LRRC37A: variants seen among roughly 807,000 people sequenced by gnomAD.
LRRC37A encodes leucine-rich repeat-containing protein 37A.
LRRC37A carries 3 observed loss-of-function variants against 35.4 expected under a neutral mutation model. That is an observed-to-expected ratio of 0.08 (90% CI 0.04 to 0.22). The LOEUF is 0.22. Ranked by LOEUF, LRRC37A falls within the 10% of genes least tolerant of loss-of-function variation. The probability of loss-of-function intolerance (pLI) is 1.00; values close to 1 mark genes in which losing one functional copy is unlikely to be tolerated. For missense variants in LRRC37A, 67 were observed against 565.3 expected (o/e 0.12, Z 8.94); for synonymous variants, 23 against 215.0 (o/e 0.11, Z 7.81).
chr17:46,268,796 C>T, the LRRC37A span: 11 of 859,544 alleles, frequency 1.3e-5, no homozygotes, highest in Admixed American at 3.4e-5. Context: ...GAGCCCAAAG[C>T]TACTCTATGA....
chr17:46,253,781 G>GGGGAGA, the LRRC37A span, among the ~76,000 whole-genome samples: 58 of 151,276 alleles, frequency 3.8e-4, no homozygotes, highest in Non-Finnish European at 5.9e-4. Context: ...GGGAGGGGAG[G>GGGGAGA]GGGAGAGGGA....
At chr17:46,263,785 T>C in the LRRC37A span, among the ~76,000 whole-genome samples, 1 of 143,332 alleles carries the variant, frequency 7.0e-6, no homozygotes, top group African/African-American at 2.7e-5. Context: ...ACCTGGGAGG[T>C]GGAGGTTGCA....
the LRRC37A span, among the ~76,000 whole-genome samples, chr17:46,266,747 G>A: frequency 6.6e-6 from 1 of 152,096 alleles, no homozygotes; most frequent in South Asian, 2.1e-4. Flanking sequence ...GGGATCTGGG[G>A]AGGGGGCGCC....
the LRRC37A span, among the ~76,000 whole-genome samples, chr17:46,272,677 A>C: frequency 6.6e-6 from 1 of 152,292 alleles, no homozygotes; most frequent in East Asian, 1.9e-4. Context: ...CGGCCTCCCA[A>C]AGTGCTGGGG....
the LRRC37A span, among the ~76,000 whole-genome samples, chr17:46,248,179 G>C: frequency 6.6e-6 from 1 of 151,774 alleles, no homozygotes; most frequent in East Asian, 1.9e-4. Flanking sequence ...TTTTTTCTTA[G>C]ACTTATTTTC....
intron 5 of LRRC37A, among the ~76,000 whole-genome samples, chr17:46,317,127 T>C (rs1362472301): frequency 9.1e-5 from 8 of 88,120 alleles, no homozygotes; most frequent in Non-Finnish European, 2.4e-4. Flanking sequence ...AGCTGTTGGG[T>C]ACACCTCCCA....
chr17:46,302,496 A>G, intron 2 of LRRC37A, 142 bp from the exon 3 acceptor site: 1 of 176,702 alleles, frequency 5.7e-6, no homozygotes, highest in East Asian at 5.1e-5. Context: ...AAATATAAGA[A>G]AAGGTTTGAA....
the LRRC37A span, chr17:46,260,591 C>T: frequency 1.3e-6 from 2 of 1,570,908 alleles, no homozygotes; most frequent in East Asian, 2.2e-5. Context: ...AGCTCACAAT[C>T]CCGCTTGGAC....
the LRRC37A span, among the ~76,000 whole-genome samples, chr17:46,255,686 T>A: frequency 6.6e-6 from 1 of 150,802 alleles, no homozygotes; most frequent in African/African-American, 2.4e-5. Context: ...TTTTTGTTTT[T>A]TTTTTTTGAG....
the LRRC37A span, among the ~76,000 whole-genome samples, chr17:46,271,164 CTT>C: frequency 4.9e-5 from 6 of 121,280 alleles, no homozygotes; most frequent in African/African-American, 9.1e-5. Context: ...GTAATAGTTT[CTT>C]TTTTTTTTTT....
the LRRC37A span, among the ~76,000 whole-genome samples, chr17:46,285,063 C>G: frequency 6.6e-6 from 1 of 152,076 alleles, no homozygotes; most frequent in African/African-American, 2.4e-5. Flanking sequence ...GAGATGGGGT[C>G]TCACTTTGTT....
rs1406143738 is a variant in LRRC37A at position 46,335,623 on chromosome 17, T to C, written c.4859+29T>C. On this transcript the variant is annotated intron_variant, in intron 11 of 13. Transcript: ENST00000320254. Reference sequence around the variant, plus strand: ...AATATTAGTCTGGTGATTTTTTTTTTCTTCTCTTTTGAGATGGAGTTTCCC... The same window carrying C: ...AATATTAGTCTGGTGATTTTTTTTTCCTTCTCTTTTGAGATGGAGTTTCCC... 1.7e-5 allele frequency: 3 copies of C among 181,630 alleles called. 1 individual carries two copies. Among genetic ancestry groups the C allele is most frequent in the East Asian group, 6.3e-5 (2 of 31,846 alleles). The allele number at this position is 181,630 out of a possible 1,614,324, so 11.3% of individuals were successfully genotyped here. A position where few individuals can be genotyped will look rare whatever the true frequency, so the allele number is the denominator to read the frequency against.
the LRRC37A span, among the ~76,000 whole-genome samples, chr17:46,277,722 C>T: frequency 6.6e-6 from 1 of 151,882 alleles, no homozygotes; most frequent in Non-Finnish European, 1.5e-5. Flanking sequence ...TCTCAGCTCA[C>T]TGCAACCTCC....
chr17:46,288,578 G>T (rs1476869663), upstream of LRRC37A, among the ~76,000 whole-genome samples: 1 of 151,942 alleles, frequency 6.6e-6, no homozygotes. Flanking sequence ...GATTACAGGT[G>T]TGAGCCACAG....
At chr17:46,317,149 G>A (rs1181382353) in intron 5 of LRRC37A, among the ~76,000 whole-genome samples, 7 of 89,182 alleles carry the variant, frequency 7.8e-5, no homozygotes, top group East Asian at 2.3e-4. Flanking sequence ...ATGGGGTGGC[G>A]GCCGGGCAGA....
At chr17:46,263,852 CT>C in the LRRC37A span, among the ~76,000 whole-genome samples, 1 of 112,904 alleles carries the variant, frequency 8.9e-6, no homozygotes, top group African/African-American at 3.6e-5. Flanking sequence ...GAGACTCTGT[CT>C]CAAAAAAAAA....
the LRRC37A span, among the ~76,000 whole-genome samples, chr17:46,248,684 T>G: frequency 6.6e-6 from 1 of 151,960 alleles, no homozygotes; most frequent in East Asian, 1.9e-4. Flanking sequence ...CACGCCTGGC[T>G]AATTTTTGTA....
the LRRC37A span, among the ~76,000 whole-genome samples, chr17:46,259,257 G>T: frequency 2.1e-4 from 1 of 4,848 alleles, no homozygotes; most frequent in Non-Finnish European, 2.9e-4. Context: ...TGGCAGAGGG[G>T]GGAAGGTATG....
At chr17:46,276,462 A>AC in the LRRC37A span, among the ~76,000 whole-genome samples, 5 of 152,232 alleles carry the variant, frequency 3.3e-5, no homozygotes, top group Non-Finnish European at 7.3e-5. Flanking sequence ...TAAAACAGTG[A>AC]CCCCAACATC....
Sources: gnomAD v4.1 joint callset for allele counts (sites outside exome capture counted in the v4.1 genomes callset) on GRCh38, gnomAD v4.1.1 for gene constraint, MANE v1.5 for transcripts, NCBI Gene and HGNC (gene_info 2026-07-23, HGNC 2026-07-21) for gene names.